CTBP2: variants seen among roughly 807,000 people sequenced by gnomAD.
CTBP2 encodes C-terminal binding protein 2.
CTBP2 carries 30 observed loss-of-function variants against 80.3 expected under a neutral mutation model. The observed-to-expected ratio is 0.37, with a 90% confidence interval of 0.28 to 0.51. The LOEUF (loss-of-function observed/expected upper bound fraction) is 0.51, where lower values mean the gene tolerates loss of function less well. Among genes scored for constraint, CTBP2 ranks in the 20% least tolerant of loss-of-function variants. The pLI is 0.93. For missense variants in CTBP2, 1,212 were observed against 1,375.3 expected (o/e 0.88, Z 1.88); for synonymous variants, 594 against 587.4 (o/e 1.01, Z -0.16).
At chr10:125,133,891 C>G (rs1856563077) in intron 1 of CTBP2, among the ~76,000 whole-genome samples, 1 of 152,230 alleles carries the variant, frequency 6.6e-6, no homozygotes, top group Non-Finnish European at 1.5e-5. Context: ...AAAACTACAA[C>G]TGACTTCTGA....
intron 1 of CTBP2, among the ~76,000 whole-genome samples, chr10:125,121,471 T>C (rs1172425517): frequency 6.6e-6 from 1 of 152,050 alleles, no homozygotes; most frequent in African/African-American, 2.4e-5. Context: ...AAATGAAGAG[T>C]ATCCTTGCTG....
chr10:125,056,494 C>G (rs1963966747), intron 2 of CTBP2, among the ~76,000 whole-genome samples: 1 of 152,182 alleles, frequency 6.6e-6, no homozygotes, highest in African/African-American at 2.4e-5. Context: ...GAAGAGTGTG[C>G]CATTGGCTCT....
intron 1 of CTBP2, among the ~76,000 whole-genome samples, chr10:125,145,231 T>C (rs1308877950): frequency 6.6e-6 from 1 of 152,222 alleles, no homozygotes; most frequent in Non-Finnish European, 1.5e-5. Flanking sequence ...GTTGGCAGTT[T>C]CGGGCTGGCT....
chr10:125,112,023 T>C (rs1590850675), intron 1 of CTBP2, among the ~76,000 whole-genome samples: 2 of 151,868 alleles, frequency 1.3e-5, no homozygotes, highest in East Asian at 3.9e-4. Context: ...CAGCCAGGCC[T>C]GACATTGCCA....
At chr10:125,042,301 G>A (rs964440061) in intron 2 of CTBP2, among the ~76,000 whole-genome samples, 13 of 152,140 alleles carry the variant, frequency 8.5e-5, no homozygotes, top group Non-Finnish European at 1.8e-4. Context: ...TGCACACAGC[G>A]GCCTCCAGCT....
At chr10:125,059,059 C>T (rs1224373232) in intron 2 of CTBP2, among the ~76,000 whole-genome samples, 1 of 152,056 alleles carries the variant, frequency 6.6e-6, no homozygotes, top group East Asian at 1.9e-4. Context: ...GCATGGATAC[C>T]GGAGGCTCAC....
At chr10:125,011,636 C>T (rs1955920920) in intron 1 of CTBP2, among the ~76,000 whole-genome samples, 1 of 152,194 alleles carries the variant, frequency 6.6e-6, no homozygotes, top group African/African-American at 2.4e-5. Context: ...ATCTGCAACC[C>T]TAGAAAGACA....
At chr10:125,012,127 G>A (rs1955995969) in intron 1 of CTBP2, among the ~76,000 whole-genome samples, 1 of 152,262 alleles carries the variant, frequency 6.6e-6, no homozygotes. Flanking sequence ...AAGCAGCCAA[G>A]GACGTGAGGC....
chr10:125,090,589 C>T (rs909893639), intron 2 of CTBP2, among the ~76,000 whole-genome samples: 1 of 151,648 alleles, frequency 6.6e-6, no homozygotes, highest in Non-Finnish European at 1.5e-5. Context: ...ATAGTGAGAC[C>T]CGACCTCTAC....
intron 1 of CTBP2, among the ~76,000 whole-genome samples, chr10:125,022,143 CT>C (rs1158511215): frequency 1.3e-4 from 20 of 152,258 alleles, no homozygotes; most frequent in African/African-American, 4.6e-4. Context: ...GGCCTCTCCC[CT>C]GGCCCCAGTC....
At chr10:125,076,143 C>T (rs2135507437) in intron 2 of CTBP2, among the ~76,000 whole-genome samples, 1 of 152,312 alleles carries the variant, frequency 6.6e-6, no homozygotes, top group South Asian at 2.1e-4. Context: ...TTTCTTTTCC[C>T]AAGCTCCAGA....
At chr10:125,034,736 A>G (rs1958666459) in intron 3 of CTBP2, among the ~76,000 whole-genome samples, 1 of 152,248 alleles carries the variant, frequency 6.6e-6, no homozygotes, top group African/African-American at 2.4e-5. Flanking sequence ...ATGCATCTGT[A>G]CAAAGATAGG....
At chr10:125,089,194 C>G (rs760612340) in intron 2 of CTBP2, among the ~76,000 whole-genome samples, 4 of 152,074 alleles carry the variant, frequency 2.6e-5, no homozygotes, top group Non-Finnish European at 5.9e-5. Context: ...GACGTGCTCT[C>G]GACAATAAAT....
At chr10:125,055,724 G>A (rs1159755418) in intron 2 of CTBP2, among the ~76,000 whole-genome samples, 1 of 152,122 alleles carries the variant, frequency 6.6e-6, no homozygotes, top group African/African-American at 2.4e-5. Context: ...AGCCAGACTA[G>A]CATGTAAAAT....
chr10:125,031,705 A>C (rs561834502), upstream of CTBP2, among the ~76,000 whole-genome samples: 1 of 152,238 alleles, frequency 6.6e-6, no homozygotes, highest in African/African-American at 2.4e-5. Flanking sequence ...CAATTAGCAA[A>C]ACTGCCCAGA....
chr10:125,026,086 T>C lies in CTBP2; in HGVS notation c.1674A>G (p.Glu558=). Residue 558 remains glutamate, a synonymous_variant, in exon 1 of 9, where the codon GAA becomes GAG. Transcript: ENST00000309035. ...CAGGCGGGGAGGATGTATTACTTGG[T>C]TCTGGTGCAAGCATGGTGGACACGA... is the stretch of plus-strand genomic sequence containing the variant. The C allele has an allele frequency of 6.4e-7, 1 of 1,561,974 alleles. No homozygotes were observed. Among genetic ancestry groups the C allele is most frequent in the South Asian group, 1.2e-5 (1 of 82,624 alleles).
Position 124,988,423 on chromosome 10 carries a change from AAAAC to A in CTBP2, c.*1091_*1094del, listed in dbSNP as rs1952146958. 1 of 152,674 alleles carries A rather than the reference AAAAC, an allele frequency of 6.5e-6. No individual in the cohort carries two copies. Among genetic ancestry groups the A allele is most frequent in the Admixed American group, 6.5e-5 (1 of 15,288 alleles). 9.5% of individuals were successfully genotyped at this position (152,674 alleles called of 1,614,324 possible). A position where few individuals can be genotyped will look rare whatever the true frequency, so the allele number is the denominator to read the frequency against. On this transcript the variant is annotated 3_prime_UTR_variant, in exon 9 of 9. Transcript: ENST00000309035. ...AAATACAGTAACGGTAACTCACACT[AAAAC>A]AAAACATACTTCTGATAGCCATTAT...
Position 124,986,317 on chromosome 10 carries a change from A to T in CTBP2, c.*3201T>A, listed in dbSNP as rs1268398493. 1 of 152,222 alleles carries T rather than the reference A, an allele frequency of 6.6e-6. No individual in the cohort carries two copies. The highest frequency in any genetic ancestry group is 2.4e-5 in the African/African-American group (1 of 41,104). The allele number at this position is 152,222 out of a possible 1,614,324, so 9.4% of individuals were successfully genotyped here. On this transcript the variant is annotated 3_prime_UTR_variant, in exon 9 of 9. Coordinates refer to ENST00000309035, the MANE Select transcript of CTBP2 (RefSeq NM_022802.3). ...CACACACACACACACACACACACAC[A>T]CACACAGTTTTTTCCTTCCCTGTGA...
At chr10:125,124,538 C>T (rs1337380092) in intron 1 of CTBP2, among the ~76,000 whole-genome samples, 4 of 152,174 alleles carry the variant, frequency 2.6e-5, no homozygotes, top group African/African-American at 2.4e-5. Flanking sequence ...TTTAATAATA[C>T]TATTTTTTGA....
Sources: gnomAD v4.1 joint callset for allele counts (sites outside exome capture counted in the v4.1 genomes callset) on GRCh38, gnomAD v4.1.1 for gene constraint, MANE v1.5 for transcripts, NCBI Gene and HGNC (gene_info 2026-07-23, HGNC 2026-07-21) for gene names.